AHRR: variants seen among roughly 807,000 people sequenced by gnomAD.
AHRR encodes the protein aryl hydrocarbon receptor repressor.
A neutral mutation model predicts 44.0 loss-of-function variants in AHRR; 28 were observed. The ratio of observed to expected loss-of-function variants is 0.64; its 90% CI spans 0.47 to 0.87. AHRR has a LOEUF of 0.87. Among genes scored for constraint, AHRR ranks in the 40% least tolerant of loss-of-function variants. The pLI is 0.00. For synonymous variants in AHRR, 434 were observed against 407.0 expected (o/e 1.07, Z -0.80); for missense variants, 990 against 953.9 (o/e 1.04, Z -0.50).
chr5:408,521 C>T (rs767974445), intron 4 of AHRR, among the ~76,000 whole-genome samples: 1 of 152,024 alleles, frequency 6.6e-6, no homozygotes, highest in Non-Finnish European at 1.5e-5. Context: ...AGCCTTTCAT[C>T]CTTGGATTAT....
chr5:327,800 ATACTT>A lies in AHRR; in HGVS notation c.-11+5984_-11+5988del, dbSNP rs1741763652. 2.0e-5 allele frequency among the ~76,000 whole-genome samples: 3 copies of A among 152,148 alleles called. No homozygotes were observed. In the South Asian group the frequency reaches 6.2e-4, roughly 32 times the overall value. On this transcript the variant is annotated intron_variant, in intron 1 of 10. Transcript: ENST00000684583. ...TATTTTATTTTATTTTATTATTACT[ATACTT>A]TAAGTTCTAGGGTACATGTGCACAA...
intron 1 of AHRR, among the ~76,000 whole-genome samples, chr5:325,575 G>A (rs1339982533): frequency 6.6e-6 from 1 of 152,132 alleles, no homozygotes; most frequent in Non-Finnish European, 1.5e-5. Flanking sequence ...GACGAGGCTG[G>A]GCATCCCACA....
At chr5:415,831 T>G (rs1484847531) in intron 5 of AHRR, among the ~76,000 whole-genome samples, 1 of 152,184 alleles carries the variant, frequency 6.6e-6, no homozygotes, top group Non-Finnish European at 1.5e-5. Flanking sequence ...GCCCTGAGGC[T>G]GCACAGTTTT....
chr5:360,892 T>C lies in AHRR; in HGVS notation c.244+6981T>C, dbSNP rs146056393. On this transcript the variant is annotated intron_variant, in intron 3 of 10. Coordinates refer to ENST00000684583, the MANE Select transcript of AHRR (RefSeq NM_001377236.1). Reference sequence around the variant, plus strand: ...AGAGGAGAGAGATACATGGAAGGAATTGCCAAAAGAAAAGGAACCAGAACT... The same window carrying C: ...AGAGGAGAGAGATACATGGAAGGAACTGCCAAAAGAAAAGGAACCAGAACT... 3.9e-5 allele frequency among the ~76,000 whole-genome samples: 6 copies of C among 152,182 alleles called. No individual in the cohort carries two copies. The East Asian group carries it at 9.7e-4, about 25-fold the overall frequency.
At chr5:376,559 T>TGAATGAATGAGAACCGCGGG in intron 3 of AHRR, 51 bp from the exon 4 acceptor site, 3 of 241,106 alleles carry the variant, frequency 1.2e-5, no homozygotes, top group Admixed American at 9.1e-5. Flanking sequence ...TGAAGAAGAG[T>TGAATGAATGAGAACCGCGGG]GGCCAGGCCA....
At chr5:416,439 C>T (rs967623997) in intron 5 of AHRR, among the ~76,000 whole-genome samples, 2 of 152,262 alleles carry the variant, frequency 1.3e-5, no homozygotes, top group African/African-American at 4.8e-5. Context: ...AGTGACATCG[C>T]TCTAGGCGGC....
Position 427,962 on chromosome 5 carries a change from G to T in AHRR, c.864G>T (p.Leu288=), listed in dbSNP as rs761363306. ...AGATGAAAATGAGGAGCGCGCTCCT[G>T]AGGGCAAAACCCAGAGCAGACACCG... ...AAEMKMRSAL[L]RAKPRADTAA... is the part of the protein sequence containing the mutation. Residue 288 remains leucine (L), a synonymous_variant, in exon 8 of 11, where the codon CTG becomes CTT. Coordinates refer to ENST00000684583, the MANE Select transcript of AHRR (RefSeq NM_001377236.1). The T allele has an allele frequency of 6.2e-7, 1 of 1,614,030 alleles. No homozygotes were observed. Among genetic ancestry groups the T allele is most frequent in the South Asian group, 1.1e-5 (1 of 91,082 alleles).
rs999098612 is a variant in AHRR at position 435,073 on chromosome 5, C to T, written c.*239C>T. 3.1e-5 allele frequency: 17 copies of T among 551,906 alleles called. No individual in the cohort carries two copies. The highest frequency in any genetic ancestry group is 5.3e-5 in the Non-Finnish European group (17 of 320,898). The allele number at this position is 551,906 out of a possible 1,614,324, so 34.2% of individuals were successfully genotyped here. On this transcript the variant is annotated 3_prime_UTR_variant, in exon 11 of 11. Transcript: ENST00000684583. ...CCTTAAGTCTATTCAAGCATGACAG[C>T]ATTTCTCTTTGAGGAATTAAAATCT...
At chr5:386,372 A>T (rs1734168795) in intron 4 of AHRR, among the ~76,000 whole-genome samples, 1 of 152,262 alleles carries the variant, frequency 6.6e-6, no homozygotes, top group Non-Finnish European at 1.5e-5. Flanking sequence ...AAAAGGGATC[A>T]TGCAGATGTG....
chr5:339,467 GTTTTC>G (rs1300923867), intron 1 of AHRR, among the ~76,000 whole-genome samples: 3 of 152,138 alleles, frequency 2.0e-5, no homozygotes, highest in Non-Finnish European at 4.4e-5. Flanking sequence ...AACAGATAGA[GTTTTC>G]TTTTATTTTT....
At chr5:356,239 G>A (rs1307033768) in intron 3 of AHRR, among the ~76,000 whole-genome samples, 1 of 152,196 alleles carries the variant, frequency 6.6e-6, no homozygotes, top group Non-Finnish European at 1.5e-5. Context: ...GTCTGCTGCT[G>A]CCTTGAGAGA....
chr5:414,180 G>T (rs560222005), intron 5 of AHRR, among the ~76,000 whole-genome samples: 1 of 152,064 alleles, frequency 6.6e-6, no homozygotes, highest in Non-Finnish European at 1.5e-5. Flanking sequence ...GGAGAATAGC[G>T]TGAACCTGGG....
At chr5:430,318 G>A (rs1442274188) in intron 8 of AHRR, among the ~76,000 whole-genome samples, 11 of 152,340 alleles carry the variant, frequency 7.2e-5, no homozygotes, top group Admixed American at 2.0e-4. Flanking sequence ...CGCCTTTGAC[G>A]GGCAGCACAT....
intron 10 of AHRR, 141 bp from the exon 11 acceptor site, chr5:433,712 G>A: frequency 2.0e-6 from 2 of 1,016,342 alleles, no homozygotes; most frequent in Non-Finnish European, 2.6e-6. Flanking sequence ...AGAAGGCACA[G>A]CGCAGTGAGG....
chr5:425,028 A>G (rs1401025844), intron 7 of AHRR, among the ~76,000 whole-genome samples: 1 of 152,144 alleles, frequency 6.6e-6, no homozygotes, highest in Non-Finnish European at 1.5e-5. Flanking sequence ...TCAATGCCAC[A>G]AGGCCCTCAG....
chr5:404,143 C>A lies in AHRR; in HGVS notation c.352-9201C>A. The A allele has an allele frequency of 1.9e-6, 1 of 538,104 alleles. No homozygotes were observed. The highest frequency in any genetic ancestry group is 3.5e-6 in the Non-Finnish European group (1 of 281,762). The allele number at this position is 538,104 out of a possible 1,614,324, so 33.3% of individuals were successfully genotyped here. Reference sequence around the variant, plus strand: ...GTTACCCTTCTCCGTCTCTCTCAGCCTCAGCCGTTCCTGGTGGGTCTGCAT... The same window carrying A: ...GTTACCCTTCTCCGTCTCTCTCAGCATCAGCCGTTCCTGGTGGGTCTGCAT... On this transcript the variant is annotated intron_variant, in intron 4 of 10. Transcript: ENST00000684583. The surrounding 1 kb of genome is among the most constrained non-coding windows in gnomAD (Gnocchi z 4.1).
rs1025849592 is a variant in AHRR, at chr5:338,824, T to C, written c.-10-5069T>C. Among the ~76,000 whole-genome samples the C allele has an allele frequency of 1.1e-4, 16 of 152,230 alleles. No individual in the cohort carries two copies. The highest frequency in any genetic ancestry group is 6.5e-5 in the Admixed American group (1 of 15,284). Reference sequence around the variant, plus strand: ...GTAGGTTTACAATTCTCATTACATTTGGAAAAAATTTCTGCTGTTTCTTAC... The same window carrying C: ...GTAGGTTTACAATTCTCATTACATTCGGAAAAAATTTCTGCTGTTTCTTAC... On this transcript the variant is annotated intron_variant, in intron 1 of 10. Transcript: ENST00000684583. This position sits in a 1 kb window ranked among gnomAD's most constrained non-coding sequence, Gnocchi z 4.1.
Position 405,501 on chromosome 5 carries a change from G to A in AHRR, c.352-7843G>A, listed in dbSNP as rs188731335. On this transcript the variant is annotated intron_variant, in intron 4 of 10. Coordinates refer to ENST00000684583, the MANE Select transcript of AHRR (RefSeq NM_001377236.1). The surrounding 1 kb of genome is among the most constrained non-coding windows in gnomAD (Gnocchi z 4.5). ...CAGGGGCTCCCTGACATCTTCCTCC[G>A]AGTGGGAGGTGCTTTGTGAGACTTG... is the stretch of plus-strand genomic sequence containing the variant. Among the ~76,000 whole-genome samples the A allele has an allele frequency of 1.0e-3, 154 of 152,300 alleles. 1 individual carries two copies. The highest frequency in any genetic ancestry group is 1.8e-3 in the African/African-American group (73 of 41,564).
chr5:386,632 G>A (rs1734177814), intron 4 of AHRR, among the ~76,000 whole-genome samples: 1 of 152,264 alleles, frequency 6.6e-6, no homozygotes, highest in African/African-American at 2.4e-5. Flanking sequence ...CAGCCATGGG[G>A]CTCCTCGCTT....
Sources: allele counts gnomAD v4.1 joint callset (sites outside exome capture counted in the v4.1 genomes callset), GRCh38; gene constraint gnomAD v4.1.1; non-coding constraint Gnocchi (gnomAD v3.1); transcripts MANE v1.5; gene names NCBI Gene and HGNC (gene_info 2026-07-23, HGNC 2026-07-21).